The following RAD51D variants were observed in gnomAD, a reference collection of about 807,000 sequenced individuals.
The protein encoded by RAD51D is RAD51 paralog D.
In RAD51D, 38 loss-of-function variants were observed where a neutral mutation model predicts 44.1. That is an observed-to-expected ratio of 0.86 (90% CI 0.67 to 1.13). RAD51D has a LOEUF of 1.13. Among genes scored for constraint, RAD51D ranks in the 50% most tolerant of loss-of-function variants. RAD51D has a pLI of 0.00. For missense variants in RAD51D, 390 were observed against 414.0 expected (o/e 0.94, Z 0.50); for synonymous variants, 141 against 166.6 (o/e 0.85, Z 1.18).
chr17:35,118,994 C>T, intron 2 of RAD51D, 117 bp downstream of exon 2: 2 of 946,366 alleles, frequency 2.1e-6, no homozygotes, highest in Non-Finnish European at 3.4e-6. Flanking sequence ...AAGTGACCCA[C>T]CCGCCTCGGC....
chr17:35,096,670 G>C lies in RAD51D; in HGVS notation c.*4283C>G, dbSNP rs1271527424. ...GAGCCCAGGAGTTCAAGACCAGCCT[G>C]GGCAACGTACAGAGACCCCGTCTCT... On this transcript the variant is annotated 3_prime_UTR_variant, in exon 10 of 10. Transcript: ENST00000345365. 1 of 152,124 alleles carries C rather than the reference G, an allele frequency of 6.6e-6. No individual in the cohort carries two copies. Among genetic ancestry groups the C allele is most frequent in the Non-Finnish European group, 1.5e-5 (1 of 68,082 alleles). The allele number at this position is 152,124 out of a possible 1,614,324, so 9.4% of individuals were successfully genotyped here.
chr17:35,106,919 T>TA (rs2091611357), intron 5 of RAD51D, 69 bp downstream of exon 5: 2 of 1,611,542 alleles, frequency 1.2e-6, no homozygotes, highest in African/African-American at 2.7e-5. Flanking sequence ...CCCAAATTCT[T>TA]ACAATGTTAA....
rs563187503 is a variant in RAD51D, at chr17:35,107,185, C to A, written c.346-63G>T. The A allele has an allele frequency of 1.9e-6, 3 of 1,593,526 alleles. No homozygotes were observed. In the African/African-American group the frequency reaches 4.0e-5, roughly 21 times the overall value. ...AGAGGGTCCAGATGGGAGCTCCCCACCAAACCTTGCCCAGATTCCAGCAAC... is the reference window on the plus strand; with the variant it reads ...AGAGGGTCCAGATGGGAGCTCCCCAACAAACCTTGCCCAGATTCCAGCAAC... On this transcript the variant is annotated intron_variant, in intron 4 of 9. Coordinates refer to ENST00000345365, the MANE Select transcript of RAD51D (RefSeq NM_002878.4).
In RAD51D at chr17:35,105,143, C is replaced by A. The variant is rs566422624; in HGVS notation, c.576+1243G>T. On this transcript the variant is annotated intron_variant, in intron 6 of 9. Coordinates refer to ENST00000345365, the MANE Select transcript of RAD51D (RefSeq NM_002878.4). ...TTTGGGCTATAAGGTTAGTTCTTGC[C>A]CTAAATATTTGGTCAACTTTGGTCA... 1.1e-4 allele frequency among the ~76,000 whole-genome samples: 17 copies of A among 152,182 alleles called. No individual in the cohort carries two copies. In the East Asian group the frequency reaches 3.1e-3, roughly 28 times the overall value.
At chr17:35,101,610 T>C (rs1245641913) in intron 8 of RAD51D, among the ~76,000 whole-genome samples, 2 of 152,158 alleles carry the variant, frequency 1.3e-5, no homozygotes, top group South Asian at 2.1e-4. Flanking sequence ...CATGTCACCA[T>C]GCTTTCCAGG....
At chr17:35,113,306 G>A (rs1488039846) in intron 3 of RAD51D, among the ~76,000 whole-genome samples, 1 of 151,930 alleles carries the variant, frequency 6.6e-6, no homozygotes, top group Non-Finnish European at 1.5e-5. Context: ...GTCTCGCTCT[G>A]TCACCAGGCT....
intron 4 of RAD51D, 104 bp from the exon 5 acceptor site, chr17:35,107,226 C>T: frequency 2.0e-6 from 3 of 1,498,760 alleles, no homozygotes; most frequent in Non-Finnish European, 2.8e-6. Flanking sequence ...TGGGCTGAGT[C>T]CCGACCCCAT....
chr17:35,117,798 G>A (rs1373763930), intron 3 of RAD51D, among the ~76,000 whole-genome samples: 1 of 152,132 alleles, frequency 6.6e-6, no homozygotes, highest in African/African-American at 2.4e-5. Context: ...ACTGCATCTG[G>A]ACCGCAACTC....
chr17:35,115,376 T>C (rs1457713577), intron 3 of RAD51D: 7 of 478,226 alleles, frequency 1.5e-5, no homozygotes, highest in South Asian at 6.0e-5. Flanking sequence ...CTCATCAACA[T>C]AGCTTTTCCC....
intron 3 of RAD51D, 89 bp from the exon 4 acceptor site, chr17:35,107,536 C>T (rs574821817): frequency 9.5e-7 from 1 of 1,057,362 alleles, no homozygotes; most frequent in African/African-American, 1.6e-5. Context: ...ACATTTCTTT[C>T]AAGCACTGGT....
intron 3 of RAD51D, among the ~76,000 whole-genome samples, chr17:35,108,140 G>A (rs532891853): frequency 2.0e-4 from 31 of 151,616 alleles, no homozygotes; most frequent in Admixed American, 1.8e-3. Context: ...AGCTACTCAG[G>A]AGGCTGAGGC....
chr17:35,107,191 C>T (rs1187362675), intron 4 of RAD51D, 69 bp from the exon 5 acceptor site: 21 of 1,589,180 alleles, frequency 1.3e-5, no homozygotes, highest in Non-Finnish European at 1.7e-5. Flanking sequence ...CCCACCAAAC[C>T]TTGCCCAGAT....
At position 35,107,088 on chromosome 17, in the gene RAD51D, C is replaced by T. The variant is rs773672080; in HGVS notation, c.380G>A (p.Gly127Asp). The T allele has an allele frequency of 6.2e-7, 1 of 1,614,068 alleles. No individual in the cohort carries two copies. The highest frequency in any genetic ancestry group is 1.1e-5 in the South Asian group (1 of 91,082). The change falls in exon 5 of 10, where the codon GGC (glycine) becomes GAC (aspartate). Residue 127 changes from glycine (G) to aspartate (D), a missense_variant. Physicochemically the swap from Gly to Asp is moderately conservative, Grantham distance 94. Coordinates refer to ENST00000345365, the MANE Select transcript of RAD51D (RefSeq NM_002878.4). ...TACATATAGGACGTTTTGCTGCAGG[C>T]CATGGGCCACATTTGCTGCCATACA... ...CLCMAANVAH[G>D]LQQNVLYVDS... is the part of the protein sequence containing the mutation.
intron 3 of RAD51D, among the ~76,000 whole-genome samples, chr17:35,112,669 C>T (rs549942815): frequency 2.1e-4 from 32 of 152,318 alleles, no homozygotes; most frequent in African/African-American, 7.5e-4. Context: ...TGAGCCACTG[C>T]GGCCGGCCAA....
intron 6 of RAD51D, 81 bp downstream of exon 6, chr17:35,106,305 A>G: frequency 8.6e-7 from 1 of 1,162,114 alleles, no homozygotes; most frequent in South Asian, 1.2e-5. Flanking sequence ...ATTTCCAAAC[A>G]GTCTGTAGTA....
rs770250516 is a variant in RAD51D, at chr17:35,103,277, G to C, written c.715C>G (p.Arg239Gly). The C allele has an allele frequency of 5.6e-6, 9 of 1,611,016 alleles. No homozygotes were observed. Among genetic ancestry groups the C allele is most frequent in the Non-Finnish European group, 7.6e-6 (9 of 1,178,932 alleles). The change falls in exon 8 of 10, where the codon CGG becomes GGG. Residue 239 changes from arginine (R) to glycine (G), a missense_variant. Transcript: ENST00000345365. The surrounding 1 kb of genome is among the most constrained non-coding windows in gnomAD (Gnocchi z 4.1). ...QLARELKTLA[R>G]DLGMAVVVTN... ...ACCACCACTGCCATGCCAAGGTCCC[G>C]GGCCAGGGTCTTCAGCTCTCGGGCC... is the stretch of plus-strand genomic sequence containing the variant.
intron 3 of RAD51D, among the ~76,000 whole-genome samples, chr17:35,110,832 C>T (rs751889834): frequency 2.0e-5 from 3 of 152,156 alleles, no homozygotes; most frequent in East Asian, 1.9e-4. Flanking sequence ...ACAGGCTGGG[C>T]GCGGTGGCTC....
chr17:35,101,332 C>G lies in RAD51D; in HGVS notation c.772G>C (p.Gly258Arg), dbSNP rs181695922. 1.9e-6 allele frequency: 3 copies of G among 1,614,090 alleles called. No individual in the cohort carries two copies. Among genetic ancestry groups the G allele is most frequent in the Non-Finnish European group, 2.5e-6 (3 of 1,180,036 alleles). Residue 258 changes from glycine (G) to arginine (R), a missense_variant, in exon 9 of 10, where the codon GGG becomes CGG. Physicochemically the swap from Gly to Arg is moderately radical, Grantham distance 125 (BLOSUM62 -2). Transcript: ENST00000345365. ...TNHITRDRDSGRLKPALGRSW... is the reference protein window; with the variant it reads ...TNHITRDRDSRRLKPALGRSW... ...CGTCCGAGGGCAGGTTTGAGCCTCC[C>G]GCTGTCCCTGTCTCGAGTTATGTGG... is the stretch of plus-strand genomic sequence containing the variant.
rs762920906 is a variant in RAD51D, at chr17:35,119,770, G to A, written c.-157C>T. 1 of 771,844 alleles carries A rather than the reference G, an allele frequency of 1.3e-6. No homozygotes were observed. Among genetic ancestry groups the A allele is most frequent in the South Asian group, 1.5e-5 (1 of 68,920 alleles). 47.8% of individuals were successfully genotyped at this position (771,844 alleles called of 1,614,324 possible). A position where few individuals can be genotyped will look rare whatever the true frequency, so the allele number is the denominator to read the frequency against. ...GGAGAGAGGAGGAGGCGGCACCAAG[G>A]GTAGGGCTGGGGGTCATCCGCCCGC... On this transcript the variant is annotated 5_prime_UTR_variant, in exon 1 of 10. Coordinates refer to ENST00000345365, the MANE Select transcript of RAD51D (RefSeq NM_002878.4).
Sources: allele counts gnomAD v4.1 joint callset (sites outside exome capture counted in the v4.1 genomes callset), GRCh38; gene constraint gnomAD v4.1.1; non-coding constraint Gnocchi (gnomAD v3.1); transcripts MANE v1.5; gene names NCBI Gene and HGNC (gene_info 2026-07-23, HGNC 2026-07-21).